CCDC91: variants seen among roughly 807,000 people sequenced by gnomAD.
CCDC91 encodes the protein coiled-coil domain containing 91, also known as coiled-coil domain-containing protein 91.
CCDC91 carries 48 observed loss-of-function variants against 63.2 expected under a neutral mutation model. The ratio of observed to expected loss-of-function variants is 0.76; its 90% CI spans 0.60 to 0.97. The LOEUF is 0.97. Among genes scored for constraint, CCDC91 ranks in the 50% least tolerant of loss-of-function variants. The pLI, the probability that CCDC91 is intolerant of heterozygous loss-of-function variation, is 0.00. For synonymous variants in CCDC91, 167 were observed against 165.8 expected (o/e 1.01, Z -0.06); for missense variants, 500 against 494.6 (o/e 1.01, Z -0.10).
intron 6 of CCDC91, among the ~76,000 whole-genome samples, chr12:28,346,135 T>C (rs1191804380): frequency 6.6e-6 from 1 of 152,164 alleles, no homozygotes; most frequent in Non-Finnish European, 1.5e-5. Flanking sequence ...TGTGGTTAGT[T>C]CTGTTGAGAG....
chr12:28,201,186 C>G lies in CCDC91; in HGVS notation c.-15+10545C>G, dbSNP rs371305694. Among the ~76,000 whole-genome samples the G allele has an allele frequency of 6.1e-4, 93 of 151,256 alleles. No individual in the cohort carries two copies. The East Asian group carries it at 0.013, about 20-fold the overall frequency. ...TGCTGGGCGGAGACGCTCCTCACTT[C>G]CCAGACGGGGTGACTGCTGGGCGGA... On this transcript the variant is annotated intron_variant, in intron 1 of 12. Transcript: ENST00000536442.
chr12:28,290,539 T>C (rs1949183161), intron 3 of CCDC91, among the ~76,000 whole-genome samples: 1 of 152,202 alleles, frequency 6.6e-6, no homozygotes, highest in Non-Finnish European at 1.5e-5. Flanking sequence ...GATTTGATTC[T>C]GTCATCATGA....
intron 6 of CCDC91, among the ~76,000 whole-genome samples, chr12:28,343,522 A>G (rs1285481402): frequency 6.6e-6 from 1 of 152,070 alleles, no homozygotes; most frequent in African/African-American, 2.4e-5. Flanking sequence ...TAAGAGGTCA[A>G]GAGAGTTGTT....
At chr12:28,294,393 C>G (rs11049511) in intron 3 of CCDC91, among the ~76,000 whole-genome samples, 30,488 of 152,004 alleles carry the variant, frequency 0.2, 4,003 homozygotes, top group Non-Finnish European at 0.3. Context: ...TGGTTCCCCC[C>G]GCATGCTGTT....
intron 1 of CCDC91, among the ~76,000 whole-genome samples, chr12:28,232,532 T>C (rs933936136): frequency 2.0e-5 from 3 of 152,088 alleles, no homozygotes; most frequent in African/African-American, 7.2e-5. Flanking sequence ...ACAACTAATA[T>C]AGGATAAGTA....
chr12:28,268,543 T>A (rs1212078520), intron 3 of CCDC91: 1 of 413,996 alleles, frequency 2.4e-6, no homozygotes, highest in Non-Finnish European at 3.2e-6. Flanking sequence ...AACACCACAT[T>A]TTCATAGAAT....
At chr12:28,267,924 A>AATTATATATAATTATAATT (rs1565701370) in intron 3 of CCDC91, among the ~76,000 whole-genome samples, 18 of 80,954 alleles carry the variant, frequency 2.2e-4, no homozygotes, top group Middle Eastern at 5.2e-3. Context: ...TAATTATTAT[A>AATTATATATAATTATAATT]ATTATATATA....
In CCDC91 at chr12:28,194,761, T is replaced by C. The variant is rs140355699; in HGVS notation, c.-15+4120T>C. ...GAGTTGTTTGTTCCTCCCAGTGGGTTTGTGGTCTCGCTGGCCTCAGGAGTG... is the reference window on the plus strand; with the variant it reads ...GAGTTGTTTGTTCCTCCCAGTGGGTCTGTGGTCTCGCTGGCCTCAGGAGTG... On this transcript the variant is annotated intron_variant, in intron 1 of 12. Coordinates refer to ENST00000536442, the MANE Select transcript of CCDC91 (RefSeq NM_018318.5). Among the ~76,000 whole-genome samples the C allele has an allele frequency of 6.0e-3, 916 of 151,818 alleles. 13 individuals carry two copies. The highest frequency in any genetic ancestry group is 0.02 in the African/African-American group (848 of 41,368).
chr12:28,259,562 A>G (rs1384778212), intron 3 of CCDC91, 120 bp downstream of exon 3: 3 of 643,962 alleles, frequency 4.7e-6, no homozygotes, highest in Non-Finnish European at 5.5e-6. Context: ...TGAAAAATGG[A>G]GTGATCCAGA....
At chr12:28,444,426 T>C (rs1419121719) in intron 8 of CCDC91, among the ~76,000 whole-genome samples, 1 of 152,146 alleles carries the variant, frequency 6.6e-6, no homozygotes, top group Non-Finnish European at 1.5e-5. Context: ...AGAGATTGCA[T>C]TTGGAGAATA....
At chr12:28,203,546 A>G (rs1942621467) in intron 1 of CCDC91, among the ~76,000 whole-genome samples, 1 of 152,214 alleles carries the variant, frequency 6.6e-6, no homozygotes, top group Admixed American at 6.5e-5. Context: ...TATGTAGCAA[A>G]CCATTTAACA....
intron 12 of CCDC91, among the ~76,000 whole-genome samples, chr12:28,528,325 A>T (rs1941450661): frequency 6.6e-6 from 1 of 152,052 alleles, no homozygotes; most frequent in South Asian, 2.1e-4. Context: ...CTACCTCTGT[A>T]TTTCCCTTGG....
At chr12:28,382,325 C>G (rs1303657222) in intron 7 of CCDC91, among the ~76,000 whole-genome samples, 2 of 151,298 alleles carry the variant, frequency 1.3e-5, no homozygotes, top group Non-Finnish European at 2.9e-5. Context: ...TTATTTTAAT[C>G]ATCATAAACC....
intron 3 of CCDC91, among the ~76,000 whole-genome samples, chr12:28,282,472 G>GGT (rs1223767350): frequency 6.6e-6 from 1 of 152,010 alleles, no homozygotes; most frequent in East Asian, 1.9e-4. Context: ...GGTATTCCAT[G>GGT]GTGTATATAT....
intron 1 of CCDC91, among the ~76,000 whole-genome samples, chr12:28,199,429 A>G (rs1942038148): frequency 6.6e-6 from 1 of 152,102 alleles, no homozygotes; most frequent in African/African-American, 2.4e-5. Context: ...CTGATTTATA[A>G]TTCTTGATTT....
At chr12:28,292,971 A>G (rs1270955102) in intron 3 of CCDC91, among the ~76,000 whole-genome samples, 1 of 152,224 alleles carries the variant, frequency 6.6e-6, no homozygotes, top group Non-Finnish European at 1.5e-5. Flanking sequence ...GGCAAATGGT[A>G]TATTTGTAAT....
chr12:28,286,074 C>T (rs1166565007), intron 3 of CCDC91, among the ~76,000 whole-genome samples: 1 of 151,810 alleles, frequency 6.6e-6, no homozygotes, highest in Non-Finnish European at 1.5e-5. Context: ...CTACAGTATG[C>T]TTTCTAATTG....
intron 7 of CCDC91, among the ~76,000 whole-genome samples, chr12:28,375,828 A>G (rs1944909277): frequency 6.6e-6 from 1 of 151,862 alleles, no homozygotes; most frequent in Admixed American, 6.6e-5. Flanking sequence ...TGAGTTCTTA[A>G]TGTCTCATCT....
chr12:28,382,257 A>G (rs762499702), intron 7 of CCDC91, among the ~76,000 whole-genome samples: 18 of 151,774 alleles, frequency 1.2e-4, no homozygotes, highest in Non-Finnish European at 2.5e-4. Flanking sequence ...ATGGAACTGA[A>G]TTAATTGGGA....
Sources: gnomAD v4.1 joint callset for allele counts (sites outside exome capture counted in the v4.1 genomes callset) on GRCh38, gnomAD v4.1.1 for gene constraint, MANE v1.5 for transcripts, NCBI Gene and HGNC (gene_info 2026-07-23, HGNC 2026-07-21) for gene names.